Variants in MACROD2 observed in about 807,000 individuals in gnomAD.
MACROD2 encodes mono-ADP ribosylhydrolase 2.
A neutral mutation model predicts 70.4 loss-of-function variants in MACROD2; 36 were observed. The observed-to-expected ratio is 0.51, with a 90% CI of 0.39 to 0.68. MACROD2 has a LOEUF of 0.68. MACROD2 is among the 30% of genes least tolerant of loss of function. The pLI, the probability that MACROD2 is intolerant of heterozygous loss-of-function variation, is 0.00. For synonymous variants in MACROD2, 172 were observed against 178.8 expected (o/e 0.96, Z 0.30); for missense variants, 496 against 538.4 (o/e 0.92, Z 0.78).
chr20:14,976,670 G>T (rs748201901), intron 5 of MACROD2, among the ~76,000 whole-genome samples: 2 of 152,146 alleles, frequency 1.3e-5, no homozygotes, highest in Admixed American at 6.5e-5. Flanking sequence ...ATTCTAGATG[G>T]ATGGAAAGAT....
At chr20:15,662,267 T>C (rs1453666439) in intron 8 of MACROD2, among the ~76,000 whole-genome samples, 3 of 152,242 alleles carry the variant, frequency 2.0e-5, no homozygotes, top group East Asian at 1.9e-4. Flanking sequence ...CAAGATCTAC[T>C]GTATCAGTAT....
chr20:15,741,420 C>T (rs1033668954), intron 8 of MACROD2, among the ~76,000 whole-genome samples: 22 of 151,970 alleles, frequency 1.4e-4, no homozygotes, highest in Non-Finnish European at 2.9e-4. Flanking sequence ...TATTACACTG[C>T]TTCCGACTGA....
At chr20:15,502,224 G>A (rs779488723) in intron 8 of MACROD2, among the ~76,000 whole-genome samples, 32 of 152,176 alleles carry the variant, frequency 2.1e-4, no homozygotes, top group Non-Finnish European at 3.7e-4. Flanking sequence ...ACGTAATCTT[G>A]GAATACAGAT....
At chr20:14,848,891 A>G (rs1006640570) in intron 5 of MACROD2, among the ~76,000 whole-genome samples, 4 of 152,058 alleles carry the variant, frequency 2.6e-5, no homozygotes, top group Non-Finnish European at 2.9e-5. Context: ...TGGGCCAAGG[A>G]TGGTAAATTC....
intron 2 of MACROD2, among the ~76,000 whole-genome samples, chr20:14,050,959 G>A (rs1044066083): frequency 6.6e-6 from 1 of 152,112 alleles, no homozygotes. Flanking sequence ...GAGAAAAGAC[G>A]TAACTAAGTA....
intron 10 of MACROD2, among the ~76,000 whole-genome samples, chr20:15,932,045 G>T (rs1018555717): frequency 6.6e-6 from 1 of 152,086 alleles, no homozygotes; most frequent in African/African-American, 2.4e-5. Flanking sequence ...CCTGCTTGTG[G>T]GTCAGGAATT....
At chr20:14,605,726 G>T (rs1320381418) in intron 4 of MACROD2, among the ~76,000 whole-genome samples, 2 of 151,442 alleles carry the variant, frequency 1.3e-5, no homozygotes, top group African/African-American at 4.8e-5. Context: ...GGATTTTTTT[G>T]TTGTTTTTAA....
At chr20:14,405,442 T>A (rs1030887859) in intron 3 of MACROD2, among the ~76,000 whole-genome samples, 1 of 152,152 alleles carries the variant, frequency 6.6e-6, no homozygotes, top group Non-Finnish European at 1.5e-5. Flanking sequence ...CCTATAGGCA[T>A]CTCCAGTCTG....
intron 5 of MACROD2, chr20:14,893,275 C>T (rs998113044): frequency 2.0e-5 from 3 of 152,084 alleles, no homozygotes; most frequent in Non-Finnish European, 4.4e-5. Flanking sequence ...GCAGATATCT[C>T]TTGGAGACCC....
chr20:15,364,827 ATT>A (rs1033980337), intron 6 of MACROD2, among the ~76,000 whole-genome samples: 2 of 152,242 alleles, frequency 1.3e-5, no homozygotes, highest in African/African-American at 4.8e-5. Flanking sequence ...TTGTGAAAGC[ATT>A]ACCCTCAAGG....
rs552069975 is a variant in MACROD2, at chr20:14,066,649, T to C, written c.164-18972T>C. Among the ~76,000 whole-genome samples, 13 of 152,264 alleles carry C rather than the reference T, an allele frequency of 8.5e-5. No homozygotes were observed. The East Asian group carries it at 2.5e-3, about 29-fold the overall frequency. On this transcript the variant is annotated intron_variant, in intron 2 of 17. Coordinates refer to ENST00000684519, the MANE Select transcript of MACROD2 (RefSeq NM_001351661.2). The stretch of plus-strand genomic sequence containing the variant: ...GAAACAATTATTTACTACATGTGAC[T>C]CACTGTAATACTTTAGTTCTAGTCT...
intron 5 of MACROD2, among the ~76,000 whole-genome samples, chr20:14,803,088 ATTT>A (rs2072598096): frequency 6.6e-6 from 1 of 152,056 alleles, no homozygotes; most frequent in African/African-American, 2.4e-5. Flanking sequence ...CTCACATACA[ATTT>A]TATTTAAGAC....
chr20:15,491,159 G>C (rs2047226662), intron 7 of MACROD2, among the ~76,000 whole-genome samples: 1 of 152,178 alleles, frequency 6.6e-6, no homozygotes. Context: ...GTCTTGTCTA[G>C]TGAGCCAGGT....
chr20:15,563,420 T>G (rs1011643), intron 8 of MACROD2, among the ~76,000 whole-genome samples: 87,301 of 152,072 alleles, frequency 0.57, 30,725 homozygotes, highest in Non-Finnish European at 0.8. Flanking sequence ...CCTGCTTTTA[T>G]GGCCTTAGAA....
chr20:15,449,503 C>T (rs1483756979), intron 7 of MACROD2, among the ~76,000 whole-genome samples: 1 of 152,146 alleles, frequency 6.6e-6, no homozygotes, highest in Non-Finnish European at 1.5e-5. Flanking sequence ...GCCAGTATCC[C>T]TCTTAAGAGG....
chr20:14,937,109 A>T (rs555410438), intron 5 of MACROD2, among the ~76,000 whole-genome samples: 1 of 152,240 alleles, frequency 6.6e-6, no homozygotes, highest in East Asian at 1.9e-4. Context: ...GTCGGGACCA[A>T]GCCAGTGTGG....
chr20:14,278,666 A>G (rs943106794), intron 3 of MACROD2, among the ~76,000 whole-genome samples: 2 of 152,208 alleles, frequency 1.3e-5, no homozygotes, highest in South Asian at 2.1e-4. Flanking sequence ...AATGGAATTT[A>G]CTTCACATTA....
intron 3 of MACROD2, among the ~76,000 whole-genome samples, chr20:14,373,226 A>G (rs1381430985): frequency 6.6e-6 from 1 of 152,168 alleles, no homozygotes; most frequent in African/African-American, 2.4e-5. Flanking sequence ...CAGAGGAAAT[A>G]TTTAGTGCCC....
intron 5 of MACROD2, among the ~76,000 whole-genome samples, chr20:14,712,547 G>C (rs975986443): frequency 2.0e-5 from 3 of 152,202 alleles, no homozygotes; most frequent in African/African-American, 7.2e-5. Flanking sequence ...GCTGATATCA[G>C]ATGAGGGCAA....
Sources: gnomAD v4.1 joint callset for allele counts (sites outside exome capture counted in the v4.1 genomes callset) on GRCh38, gnomAD v4.1.1 for gene constraint, MANE v1.5 for transcripts, NCBI Gene and HGNC (gene_info 2026-07-23, HGNC 2026-07-21) for gene names.